Variants in PRKCH observed in about 807,000 individuals in gnomAD.
The protein encoded by PRKCH is protein kinase C eta type.
Under a neutral mutation model 82.5 loss-of-function variants are expected in PRKCH, and 28 were observed. The ratio of observed to expected loss-of-function variants is 0.34; its 90% confidence interval spans 0.25 to 0.47. PRKCH has a LOEUF of 0.47. Among genes scored for constraint, PRKCH ranks in the 20% least tolerant of loss-of-function variants. The pLI, the probability that PRKCH is intolerant of heterozygous loss-of-function variation, is 1.00. For missense variants in PRKCH, 705 were observed against 881.8 expected, an observed-to-expected ratio of 0.80 and a Z score of 2.54; for synonymous variants, 322 against 327.4, an observed-to-expected ratio of 0.98 and a Z score of 0.18.
At chr14:61,488,852 T>G (rs981742836) in intron 10 of PRKCH, among the ~76,000 whole-genome samples, 2 of 152,190 alleles carry the variant, frequency 1.3e-5, no homozygotes, top group African/African-American at 4.8e-5. Flanking sequence ...AAATTTTATT[T>G]CAATTCATGG....
chr14:61,345,065 T>C (rs1179314166), intron 1 of PRKCH, among the ~76,000 whole-genome samples: 1 of 152,064 alleles, frequency 6.6e-6, no homozygotes, highest in Non-Finnish European at 1.5e-5. Context: ...TCAGTTCCCT[T>C]TTCTGGTATA....
At chr14:61,414,967 G>A (rs1264189540) in intron 2 of PRKCH, among the ~76,000 whole-genome samples, 1 of 151,900 alleles carries the variant, frequency 6.6e-6, no homozygotes, top group African/African-American at 2.4e-5. Flanking sequence ...TTAGAAGTGG[G>A]CGCCCATTCT....
At chr14:61,391,494 A>G (rs559054167) in intron 2 of PRKCH, among the ~76,000 whole-genome samples, 2 of 152,366 alleles carry the variant, frequency 1.3e-5, no homozygotes, top group Admixed American at 1.3e-4. Flanking sequence ...TAAATCTGGC[A>G]ATCTCACGTT....
chr14:61,502,266 T>C (rs892942102), intron 10 of PRKCH, among the ~76,000 whole-genome samples: 2 of 151,978 alleles, frequency 1.3e-5, no homozygotes, highest in African/African-American at 4.8e-5. Context: ...TGTCACTATG[T>C]TGGCCAGGCT....
intron 1 of PRKCH, among the ~76,000 whole-genome samples, chr14:61,363,906 TAAA>T (rs1360210281): frequency 6.6e-6 from 1 of 150,710 alleles, no homozygotes; most frequent in African/African-American, 2.4e-5. Flanking sequence ...TTATTTTTAA[TAAA>T]AATTTTTTAC....
chr14:61,292,582 C>T (rs913777792), intron 1 of PRKCH, among the ~76,000 whole-genome samples: 1 of 152,030 alleles, frequency 6.6e-6, no homozygotes, highest in African/African-American at 2.4e-5. Flanking sequence ...CAAGACCAGC[C>T]TGATGGGGTG....
intron 1 of PRKCH, among the ~76,000 whole-genome samples, chr14:61,355,658 A>G (rs2046138150): frequency 6.6e-6 from 1 of 152,198 alleles, no homozygotes; most frequent in African/African-American, 2.4e-5. Context: ...TCTCATATTC[A>G]ACATGGAAAT....
intron 10 of PRKCH, among the ~76,000 whole-genome samples, chr14:61,498,387 G>C (rs903883764): frequency 6.6e-6 from 1 of 152,142 alleles, no homozygotes; most frequent in Admixed American, 6.5e-5. Flanking sequence ...GTAACCTGCT[G>C]TTTTATCAGT....
intron 1 of PRKCH, among the ~76,000 whole-genome samples, chr14:61,246,661 G>T (rs1475911261): frequency 1.3e-5 from 2 of 152,126 alleles, no homozygotes; most frequent in East Asian, 1.9e-4. Context: ...GGACTCCCAG[G>T]TACCTCTGCA....
chr14:61,312,586 C>T (rs1224511310), intron 1 of PRKCH, among the ~76,000 whole-genome samples: 1 of 152,016 alleles, frequency 6.6e-6, no homozygotes, highest in Non-Finnish European at 1.5e-5. Context: ...TTAATGGAAT[C>T]TCAGTTCCAC....
chr14:61,247,158 T>G (rs1418835981), intron 1 of PRKCH, among the ~76,000 whole-genome samples: 1 of 152,100 alleles, frequency 6.6e-6, no homozygotes, highest in Non-Finnish European at 1.5e-5. Flanking sequence ...CTCCCCAATA[T>G]AGTATATGGT....
chr14:61,379,035 G>T (rs1239391067), intron 1 of PRKCH, among the ~76,000 whole-genome samples: 3 of 152,180 alleles, frequency 2.0e-5, no homozygotes, highest in African/African-American at 7.2e-5. Flanking sequence ...GCTCCCCATT[G>T]CCCTGGGATA....
Position 61,200,711 on chromosome 14 carries a change from T to TGA in PRKCH, c.-19+13060_-19+13061dup, listed in dbSNP as rs777986995. ...AAATATTACATACAATAAGATATTT[T>TGA]GAGAGAGAGAGAGAGAGACTATATT... On this transcript the variant is annotated intron_variant, in intron 1 of 3. Coordinates refer to the PRKCH transcript ENST00000555185. Among the ~76,000 whole-genome samples, 40 of 150,832 alleles carry TGA rather than the reference T, an allele frequency of 2.7e-4. 1 individual carries two copies. The highest frequency in any genetic ancestry group is 1.1e-3 in the South Asian group (5 of 4,756).
At chr14:61,439,944 A>T (rs1594708198) in intron 2 of PRKCH, among the ~76,000 whole-genome samples, 1 of 152,242 alleles carries the variant, frequency 6.6e-6, no homozygotes, top group Non-Finnish European at 1.5e-5. Flanking sequence ...TAAACATGCA[A>T]GTGGGCTGGT....
chr14:61,236,236 A>G (rs7149822), intron 1 of PRKCH, among the ~76,000 whole-genome samples: 150,647 of 152,092 alleles, frequency 0.99, 74,626 homozygotes, highest in East Asian at 1. Context: ...TGGGCGTAGC[A>G]GTGTCAGAGG....
chr14:61,352,722 G>GAAAGAAAGAA (rs1555378123), intron 1 of PRKCH, among the ~76,000 whole-genome samples: 21 of 151,494 alleles, frequency 1.4e-4, no homozygotes, highest in African/African-American at 5.1e-4. Context: ...AAGAAAGAAA[G>GAAAGAAAGAA]AAAGAAAGAA....
At chr14:61,490,460 A>G (rs1886405936) in intron 10 of PRKCH, among the ~76,000 whole-genome samples, 1 of 152,236 alleles carries the variant, frequency 6.6e-6, no homozygotes, top group Non-Finnish European at 1.5e-5. Context: ...ACCGATCACC[A>G]ACATCATCTA....
intron 1 of PRKCH, among the ~76,000 whole-genome samples, chr14:61,256,751 T>A (rs1198949841): frequency 6.6e-6 from 1 of 152,218 alleles, no homozygotes; most frequent in Non-Finnish European, 1.5e-5. Context: ...GATCCTAGTA[T>A]GTGAATTGGT....
chr14:61,538,414 A>G (rs28654921), intron 12 of PRKCH, among the ~76,000 whole-genome samples: 11,266 of 152,178 alleles, frequency 0.074, 1,445 homozygotes, highest in African/African-American at 0.26. Flanking sequence ...CTTCCCAGAG[A>G]TTTTGTATTT....
Sources: gnomAD v4.1 joint callset for allele counts (sites outside exome capture counted in the v4.1 genomes callset) on GRCh38, gnomAD v4.1.1 for gene constraint, MANE v1.5 for transcripts, NCBI Gene and HGNC (gene_info 2026-07-23, HGNC 2026-07-21) for gene names.